NDUFV2: variants seen among roughly 807,000 people sequenced by gnomAD.
NDUFV2 encodes NADH dehydrogenase [ubiquinone] flavoprotein 2, mitochondrial.
A neutral mutation model predicts 31.6 loss-of-function variants in NDUFV2; 18 were observed. That is an observed-to-expected ratio of 0.57 (90% CI 0.39 to 0.84). The LOEUF (loss-of-function observed/expected upper bound fraction) is 0.84, where lower values mean the gene tolerates loss of function less well. Ranked by LOEUF, NDUFV2 falls within the 40% of genes least tolerant of loss-of-function variation. The pLI is 0.00. For synonymous variants in NDUFV2, 83 were observed against 99.8 expected, an observed-to-expected ratio of 0.83 and a Z score of 1.01; for missense variants, 314 against 303.6, an observed-to-expected ratio of 1.03 and a Z score of -0.26.
intron 1 of NDUFV2, among the ~76,000 whole-genome samples, chr18:9,107,058 A>T (rs1200005187): frequency 1.3e-5 from 2 of 152,170 alleles, no homozygotes. Flanking sequence ...TGTGTAAACT[A>T]ATACTCACAG....
At position 9,134,254 on chromosome 18, in the gene NDUFV2, G is replaced by A; in HGVS notation, c.725G>A (p.Gly242Glu). 5 of 1,612,756 alleles carry A rather than the reference G, an allele frequency of 3.1e-6. No homozygotes were observed. In the East Asian group the frequency reaches 1.1e-4, roughly 36 times the overall value. Reference protein sequence around the residue: ...TSLTEPPKGPGFGVQAGL With the variant: ...TSLTEPPKGPEFGVQAGL ...TTGACTGAACCACCCAAGGGACCTG[G>A]ATTTGGTGTACAAGCAGGCCTTTAA... Residue 242 changes from glycine (G) to glutamate (E), a missense_variant, in exon 8 of 8, where the codon GGA (glycine) becomes GAA (glutamate). By Grantham distance (98) the Gly-to-Glu change is moderately conservative (BLOSUM62 -2). Transcript: ENST00000318388.
At position 9,134,289 on chromosome 18, in the gene NDUFV2, A is replaced by T. The variant is rs1482252707; in HGVS notation, c.*10A>T. The stretch of plus-strand genomic sequence containing the variant: ...ACAAGCAGGCCTTTAATTTATATTG[A>T]ACTGTAAATATGTCACTAGAGAAAT... On this transcript the variant is annotated 3_prime_UTR_variant, in exon 8 of 8. Coordinates refer to ENST00000318388, the MANE Select transcript of NDUFV2 (RefSeq NM_021074.5). The T allele has an allele frequency of 1.3e-6, 2 of 1,569,814 alleles. No homozygotes were observed. The highest frequency in any genetic ancestry group is 1.8e-6 in the Non-Finnish European group (2 of 1,141,704).
At chr18:9,121,256 C>G (rs1040155034) in intron 4 of NDUFV2, 55 of 152,072 alleles carry the variant, frequency 3.6e-4, no homozygotes, top group African/African-American at 1.2e-3. Flanking sequence ...AACCTTACAA[C>G]AAAAAATATC....
At chr18:9,124,684 G>A (rs536399887) in intron 5 of NDUFV2, among the ~76,000 whole-genome samples, 190 bp from the exon 6 acceptor site, 3 of 151,818 alleles carry the variant, frequency 2.0e-5, no homozygotes, top group Non-Finnish European at 4.4e-5. Context: ...TCCTGACCTC[G>A]TGATCTGCCC....
Position 9,134,329 on chromosome 18 carries a change from C to G in NDUFV2, c.*50C>G, listed in dbSNP as rs2078066023. On this transcript the variant is annotated 3_prime_UTR_variant, in exon 8 of 8. Coordinates refer to ENST00000318388, the MANE Select transcript of NDUFV2 (RefSeq NM_021074.5). The stretch of plus-strand genomic sequence containing the variant: ...ACTAGAGAAATAAAATATGGACTTC[C>G]AATCTACGTAAACTTATTTGTTTAT... The G allele has an allele frequency of 4.5e-6, 6 of 1,345,658 alleles. No homozygotes were observed. The East Asian group carries it at 1.4e-4, about 31-fold the overall frequency. The allele number at this position is 1,345,658 out of a possible 1,614,324, so 83.4% of individuals were successfully genotyped here.
intron 1 of NDUFV2, among the ~76,000 whole-genome samples, chr18:9,107,450 T>C (rs2077847394): frequency 6.6e-6 from 1 of 152,242 alleles, no homozygotes; most frequent in South Asian, 2.1e-4. Flanking sequence ...AAATCAGTTG[T>C]AGGAAATGTC....
At chr18:9,122,888 A>AT (rs1368126606) in intron 5 of NDUFV2, among the ~76,000 whole-genome samples, 1 of 151,882 alleles carries the variant, frequency 6.6e-6, no homozygotes, top group African/African-American at 2.4e-5. Flanking sequence ...TGAGTTTTTA[A>AT]TTTTTTCTTT....
In NDUFV2 at chr18:9,102,890, C is replaced by G. The variant is rs924858971; in HGVS notation, c.54+93C>G. The G allele has an allele frequency of 3.0e-6, 4 of 1,322,678 alleles. No homozygotes were observed. In the African/African-American group the frequency reaches 6.1e-5, roughly 20 times the overall value. The allele number at this position is 1,322,678 out of a possible 1,614,324, so 81.9% of individuals were successfully genotyped here. ...TTTGGGCGCAGGAGAGCCCTGGGCT[C>G]TGCACGGGCCTGCAGGCGGCGGCAA... On this transcript the variant is annotated intron_variant, in intron 1 of 7. Coordinates refer to ENST00000318388, the MANE Select transcript of NDUFV2 (RefSeq NM_021074.5).
rs368914351 is a variant in NDUFV2 at position 9,134,188 on chromosome 18, G to C, written c.659G>C (p.Ser220Thr). Residue 220 changes from serine to threonine, a missense_variant and splice_region_variant, in exon 8 of 8, where the codon AGT (serine) becomes ACT (threonine). Transcript: ENST00000318388. ...AGKIPKPGPR[S>T]GRFSCEPAGG... ...TTTAATATTACTTTTCATTTCAGGA[G>C]TGGACGCTTCTCTTGTGAGCCAGCT... is the stretch of plus-strand genomic sequence containing the variant. 1.2e-6 allele frequency: 2 copies of C among 1,612,078 alleles called. No individual in the cohort carries two copies. The highest frequency in any genetic ancestry group is 1.7e-6 in the Non-Finnish European group (2 of 1,178,566).
chr18:9,102,843 T>G (rs770953279), intron 1 of NDUFV2, 46 bp downstream of exon 1: 15 of 1,526,728 alleles, frequency 9.8e-6, no homozygotes, highest in Non-Finnish European at 4.4e-6. Flanking sequence ...GCCCTTCTCT[T>G]GCTCTCCGTG....
chr18:9,116,475 T>C (rs1164088950), intron 1 of NDUFV2, among the ~76,000 whole-genome samples: 1 of 152,242 alleles, frequency 6.6e-6, no homozygotes, highest in Non-Finnish European at 1.5e-5. Flanking sequence ...AGTGACTGTC[T>C]TCTAAATTTT....
chr18:9,118,796 G>T (rs1012400112), intron 2 of NDUFV2, among the ~76,000 whole-genome samples: 1 of 147,536 alleles, frequency 6.8e-6, no homozygotes, highest in African/African-American at 2.5e-5. Flanking sequence ...TATGGAAAAC[G>T]TGGGAAAGAG....
chr18:9,124,591 G>C (rs2077971411), intron 5 of NDUFV2, among the ~76,000 whole-genome samples: 1 of 151,702 alleles, frequency 6.6e-6, no homozygotes, highest in Non-Finnish European at 1.5e-5. Flanking sequence ...TGGCACTACA[G>C]GTGCCCGCCA....
chr18:9,111,969 A>T (rs1335261661), intron 1 of NDUFV2, among the ~76,000 whole-genome samples: 1 of 150,866 alleles, frequency 6.6e-6, no homozygotes, highest in East Asian at 1.9e-4. Context: ...ATATACTAGA[A>T]CGTGTTTGGT....
chr18:9,123,843 C>A (rs755380476), intron 5 of NDUFV2, among the ~76,000 whole-genome samples: 2 of 152,146 alleles, frequency 1.3e-5, no homozygotes, highest in Non-Finnish European at 2.9e-5. Flanking sequence ...CACATCTTTG[C>A]GTACTTGTCC....
chr18:9,117,182 G>A (rs756974689), intron 1 of NDUFV2, among the ~76,000 whole-genome samples: 3 of 151,882 alleles, frequency 2.0e-5, no homozygotes, highest in Admixed American at 6.6e-5. Flanking sequence ...GACTACCAGC[G>A]TGCGCCACCA....
intron 1 of NDUFV2, chr18:9,104,795 A>C: frequency 1.2e-6 from 1 of 806,368 alleles, no homozygotes; most frequent in East Asian, 2.9e-5. Context: ...TTGATGAATA[A>C]GTTTAATTTT....
intron 4 of NDUFV2, among the ~76,000 whole-genome samples, chr18:9,121,821 T>C (rs1377891863): frequency 6.6e-6 from 1 of 152,222 alleles, no homozygotes; most frequent in African/African-American, 2.4e-5. Flanking sequence ...AACAATTGTT[T>C]TCTATTAATG....
intron 1 of NDUFV2, among the ~76,000 whole-genome samples, chr18:9,116,706 T>C (rs2077899981): frequency 6.6e-6 from 1 of 152,256 alleles, no homozygotes; most frequent in African/African-American, 2.4e-5. Flanking sequence ...TGAAATATCA[T>C]TTGGACCTAG....
Sources: gnomAD v4.1 joint callset for allele counts (sites outside exome capture counted in the v4.1 genomes callset) on GRCh38, gnomAD v4.1.1 for gene constraint, MANE v1.5 for transcripts, NCBI Gene and HGNC (gene_info 2026-07-23, HGNC 2026-07-21) for gene names.